Variants in STAC observed in about 807,000 individuals in gnomAD.
The protein encoded by STAC is SH3 and cysteine rich domain.
In STAC, 43 loss-of-function variants were observed where a neutral mutation model predicts 48.8. The observed-to-expected ratio is 0.88, with a 90% confidence interval of 0.69 to 1.14. The LOEUF (loss-of-function observed/expected upper bound fraction) is 1.14, where lower values mean the gene tolerates loss of function less well. Ranked by LOEUF, STAC falls within the 50% of genes most tolerant of loss-of-function variation. STAC has a pLI of 0.00. For missense variants in STAC, 497 were observed against 504.0 expected (o/e 0.99, Z 0.13); for synonymous variants, 193 against 179.5 (o/e 1.07, Z -0.60).
chr3:36,486,998 T>C (rs1278001344), intron 5 of STAC, among the ~76,000 whole-genome samples: 1 of 152,230 alleles, frequency 6.6e-6, no homozygotes, highest in Non-Finnish European at 1.5e-5. Context: ...TCCATTTCCA[T>C]TGTTGCAGCC....
chr3:36,507,978 C>T (rs1698444637), intron 8 of STAC, among the ~76,000 whole-genome samples: 1 of 152,062 alleles, frequency 6.6e-6, no homozygotes, highest in Non-Finnish European at 1.5e-5. Context: ...AATTTGTTTG[C>T]TCTTGCTTCT....
intron 1 of STAC, among the ~76,000 whole-genome samples, chr3:36,441,340 C>T (rs1368026557): frequency 6.6e-6 from 1 of 152,062 alleles, no homozygotes; most frequent in Non-Finnish European, 1.5e-5. Context: ...TGAGAACATG[C>T]AGCATTTAAC....
At position 36,480,545 on chromosome 3, in the gene STAC, C is replaced by T. The variant is rs544048565; in HGVS notation, c.389-2447C>T. ...CCCCCTTATTTTATCATCCAGTTAG[C>T]CCCAACGTCATCTTCATGTAGGTTA... On this transcript the variant is annotated intron_variant, in intron 2 of 10. Coordinates refer to ENST00000273183, the MANE Select transcript of STAC (RefSeq NM_003149.3). Among the ~76,000 whole-genome samples the T allele has an allele frequency of 1.1e-3, 162 of 152,228 alleles. 1 individual carries two copies. The highest frequency in any genetic ancestry group is 3.4e-3 in the African/African-American group (140 of 41,528).
intron 1 of STAC, among the ~76,000 whole-genome samples, chr3:36,391,979 G>A (rs1699759753): frequency 6.6e-6 from 1 of 152,148 alleles, no homozygotes; most frequent in Admixed American, 6.5e-5. Context: ...ACTGATATCA[G>A]GGGAGTGAAA....
chr3:36,512,118 C>T (rs896142022), intron 8 of STAC, among the ~76,000 whole-genome samples: 1 of 152,138 alleles, frequency 6.6e-6, no homozygotes, highest in Non-Finnish European at 1.5e-5. Flanking sequence ...TTTGTAGAGA[C>T]AATTAAGGTC....
chr3:36,406,400 G>A (rs748175178), intron 1 of STAC, among the ~76,000 whole-genome samples: 1 of 152,164 alleles, frequency 6.6e-6, no homozygotes. Flanking sequence ...TTCCAAATTG[G>A]CAAAAGAGCA....
chr3:36,546,378 G>A lies in STAC; in HGVS notation c.*89G>A, dbSNP rs548209101. 100 of 1,115,928 alleles carry A rather than the reference G, an allele frequency of 9.0e-5. No homozygotes were observed. The South Asian group carries it at 1.0e-3, about 11-fold the overall frequency. The allele number at this position is 1,115,928 out of a possible 1,614,324, so 69.1% of individuals were successfully genotyped here. On this transcript the variant is annotated 3_prime_UTR_variant, in exon 11 of 11. Transcript: ENST00000273183. ...ACTGCGTCAACCCAAAGGAGCTGCC[G>A]CACTGACCCAGCCCCCCAGGAAACA...
chr3:36,442,252 G>A (rs1696370617), intron 1 of STAC, among the ~76,000 whole-genome samples: 1 of 152,328 alleles, frequency 6.6e-6, no homozygotes, highest in South Asian at 2.1e-4. Context: ...CCTTTGCTGT[G>A]TAGAAGCTTT....
At chr3:36,500,320 T>A (rs1698253031) in intron 6 of STAC, among the ~76,000 whole-genome samples, 1 of 152,190 alleles carries the variant, frequency 6.6e-6, no homozygotes, top group Non-Finnish European at 1.5e-5. Context: ...CTAGAAGCCA[T>A]TATCCTAAAC....
intron 1 of STAC, among the ~76,000 whole-genome samples, chr3:36,427,736 T>C (rs546342867): frequency 3.8e-4 from 58 of 152,200 alleles, no homozygotes; most frequent in Non-Finnish European, 7.8e-4. Flanking sequence ...TTCCCTACCC[T>C]TGTGGAAACT....
intron 3 of STAC, among the ~76,000 whole-genome samples, chr3:36,484,095 C>A (rs772585958): frequency 6.6e-6 from 1 of 152,056 alleles, no homozygotes; most frequent in Non-Finnish European, 1.5e-5. Flanking sequence ...AATTTTAGAC[C>A]TAAAATTTAG....
At chr3:36,448,156 G>T (rs1180373317) in intron 2 of STAC, among the ~76,000 whole-genome samples, 2 of 135,306 alleles carry the variant, frequency 1.5e-5, no homozygotes, top group Non-Finnish European at 3.3e-5. Context: ...TATGGTCACA[G>T]AATTTTATTT....
chr3:36,412,638 AT>A (rs1700222242), intron 1 of STAC, among the ~76,000 whole-genome samples: 1 of 152,164 alleles, frequency 6.6e-6, no homozygotes, highest in African/African-American at 2.4e-5. Context: ...TCAACTGTAA[AT>A]TTCTGTGTGG....
At chr3:36,488,790 C>T (rs1047768846) in intron 5 of STAC, among the ~76,000 whole-genome samples, 8 of 152,172 alleles carry the variant, frequency 5.3e-5, no homozygotes, top group African/African-American at 1.9e-4. Context: ...AACCGTGCTA[C>T]CCTTTTCAGC....
At chr3:36,438,138 T>C (rs1461458318) in intron 1 of STAC, among the ~76,000 whole-genome samples, 1 of 152,014 alleles carries the variant, frequency 6.6e-6, no homozygotes, top group East Asian at 1.9e-4. Flanking sequence ...GGTTTCTCCA[T>C]GTTGGTCAGG....
At chr3:36,437,197 C>T (rs1700856304) in intron 1 of STAC, among the ~76,000 whole-genome samples, 1 of 150,506 alleles carries the variant, frequency 6.6e-6, no homozygotes, top group South Asian at 2.1e-4. Flanking sequence ...ACTAGTTCAA[C>T]CATTGTGGAA....
At chr3:36,449,531 C>T (rs1696623090) in intron 2 of STAC, among the ~76,000 whole-genome samples, 1 of 152,156 alleles carries the variant, frequency 6.6e-6, no homozygotes, top group African/African-American at 2.4e-5. Context: ...GAACATGTGG[C>T]TTGTACACAG....
chr3:36,530,751 A>T (rs1031659164), intron 10 of STAC, among the ~76,000 whole-genome samples: 2 of 151,024 alleles, frequency 1.3e-5, no homozygotes, highest in African/African-American at 4.9e-5. Context: ...ATGAGCCACC[A>T]CGCCTGGCTA....
rs527419877 is a variant in STAC at position 36,539,200 on chromosome 3, C to G, written c.1111-6991C>G. ...TTTCTTCTACAGAATATTTTCTTTT[C>G]TTTTCTTTAACTTTTATTTTAAGTT... On this transcript the variant is annotated intron_variant, in intron 10 of 10. Coordinates refer to ENST00000273183, the MANE Select transcript of STAC (RefSeq NM_003149.3). 2.4e-3 allele frequency among the ~76,000 whole-genome samples: 359 copies of G among 152,150 alleles called. 1 individual carries two copies. The highest frequency in any genetic ancestry group is 7.9e-3 in the African/African-American group (330 of 41,510).
Sources: allele counts gnomAD v4.1 joint callset (sites outside exome capture counted in the v4.1 genomes callset), GRCh38; gene constraint gnomAD v4.1.1; transcripts MANE v1.5; gene names NCBI Gene and HGNC (gene_info 2026-07-23, HGNC 2026-07-21).